Variants in SIPA1L2 observed in about 807,000 individuals in gnomAD.
The protein encoded by SIPA1L2 is signal induced proliferation associated 1 like 2, also known as signal-induced proliferation-associated 1-like protein 2.
A neutral mutation model predicts 163.9 loss-of-function variants in SIPA1L2; 56 were observed. The ratio of observed to expected loss-of-function variants is 0.34; its 90% CI spans 0.28 to 0.43. The LOEUF is 0.43. Among genes scored for constraint, SIPA1L2 ranks in the 20% least tolerant of loss-of-function variants. The probability of loss-of-function intolerance (pLI) is 1.00; values close to 1 mark genes in which losing one functional copy is unlikely to be tolerated. For missense variants in SIPA1L2, 1,974 were observed against 2,193.5 expected (o/e 0.90, Z 2.00); for synonymous variants, 877 against 865.7 (o/e 1.01, Z -0.23).
At chr1:232,445,999 T>G (rs1663196044) in intron 10 of SIPA1L2, among the ~76,000 whole-genome samples, 1 of 152,186 alleles carries the variant, frequency 6.6e-6, no homozygotes, top group Admixed American at 6.5e-5. Flanking sequence ...CAGCAATGAC[T>G]GCGTCTAGAA....
At chr1:232,513,832 G>A (rs1667091262) in intron 3 of SIPA1L2, 25 bp downstream of exon 3, 3 of 1,533,442 alleles carry the variant, frequency 2.0e-6, no homozygotes, top group Non-Finnish European at 1.7e-6. Context: ...CGAGACACAT[G>A]CAAACGCCCA....
Position 232,536,940 on chromosome 1 carries a change from G to A in SIPA1L2, c.-269-21332C>T, listed in dbSNP as rs147576813. On this transcript the variant is annotated intron_variant, in intron 2 of 22. Transcript: ENST00000674635. ...ATTCTTTTCTATACCACATCATGTC[G>A]TAATTACATTATGGGCCAAGCACGG... Among the ~76,000 whole-genome samples the A allele has an allele frequency of 5.3e-5, 8 of 152,260 alleles. No individual in the cohort carries two copies. In the East Asian group the frequency reaches 7.7e-4, roughly 15 times the overall value.
At chr1:232,451,878 T>TA (rs1346210588) in intron 10 of SIPA1L2, among the ~76,000 whole-genome samples, 1 of 150,638 alleles carries the variant, frequency 6.6e-6, no homozygotes, top group Non-Finnish European at 1.5e-5. Flanking sequence ...AGCTCCAGGT[T>TA]AAAAATAAGT....
chr1:232,541,155 T>C (rs181934489), intron 2 of SIPA1L2, among the ~76,000 whole-genome samples: 2 of 152,244 alleles, frequency 1.3e-5, no homozygotes, highest in Admixed American at 6.5e-5. Flanking sequence ...GCTTAAAACC[T>C]AGGTGATGGG....
chr1:232,466,817 A>G (rs1379875313), intron 8 of SIPA1L2, among the ~76,000 whole-genome samples: 2 of 152,064 alleles, frequency 1.3e-5, no homozygotes, highest in Admixed American at 1.3e-4. Flanking sequence ...AAACAAAAAC[A>G]AAAAAACAAA....
chr1:232,474,938 G>C (rs1329900195), intron 7 of SIPA1L2, among the ~76,000 whole-genome samples: 1 of 152,134 alleles, frequency 6.6e-6, no homozygotes, highest in Non-Finnish European at 1.5e-5. Context: ...CAGTAAGACA[G>C]AAACAAACTG....
chr1:232,601,948 A>G (rs1478434916), intron 1 of SIPA1L2, among the ~76,000 whole-genome samples: 1 of 152,212 alleles, frequency 6.6e-6, no homozygotes, highest in Non-Finnish European at 1.5e-5. Context: ...GTCACCTTAC[A>G]AGCATGTGAA....
At chr1:232,498,761 T>C (rs1431013303) in intron 3 of SIPA1L2, among the ~76,000 whole-genome samples, 2 of 152,180 alleles carry the variant, frequency 1.3e-5, no homozygotes, top group African/African-American at 2.4e-5. Context: ...CACCTGTGAT[T>C]GCATTTAGGT....
At chr1:232,442,258 A>G (rs1662947661) in intron 12 of SIPA1L2, among the ~76,000 whole-genome samples, 1 of 151,936 alleles carries the variant, frequency 6.6e-6, no homozygotes, top group Admixed American at 6.6e-5. Flanking sequence ...TTCTTAAGAA[A>G]AAAAAAAAGG....
Position 232,465,513 on chromosome 1 carries a change from T to TACACAC in SIPA1L2, c.2244-98_2244-97insGTGTGT, listed in dbSNP as rs1405352946. 1.2e-6 allele frequency: 1 copy of TACACAC among 842,022 alleles called. No individual in the cohort carries two copies. The highest frequency in any genetic ancestry group is 1.8e-5 in the African/African-American group (1 of 54,768). The allele number at this position is 842,022 out of a possible 1,614,324, so 52.2% of individuals were successfully genotyped here. On this transcript the variant is annotated intron_variant, in intron 8 of 22. Coordinates refer to ENST00000674635, the MANE Select transcript of SIPA1L2 (RefSeq NM_020808.5). The surrounding 1 kb of genome is among the most constrained non-coding windows in gnomAD (Gnocchi z 4.1). ...ATATATATACACACACACACACATA[T>TACACAC]ACATACACACACACACACACATATA...
rs568623792 is a variant in SIPA1L2 at position 232,620,073 on chromosome 1, C to T, written c.-319+9796G>A. Among the ~76,000 whole-genome samples the T allele has an allele frequency of 1.1e-4, 16 of 152,132 alleles. 1 individual carries two copies. In the South Asian group the frequency reaches 2.1e-3, roughly 20 times the overall value. ...CTAATTTTTGTATTTTTAGTAGAGA[C>T]GGGGTTTCACCATGTTGGTCAGGCT... On this transcript the variant is annotated intron_variant, in intron 1 of 22. Transcript: ENST00000674635.
chr1:232,627,310 C>T (rs1457427397), intron 1 of SIPA1L2, among the ~76,000 whole-genome samples: 1 of 152,180 alleles, frequency 6.6e-6, no homozygotes, highest in Non-Finnish European at 1.5e-5. Flanking sequence ...AGTTTCGATG[C>T]CCAAACACAG....
At chr1:232,423,179 G>T (rs149866724) in intron 18 of SIPA1L2, among the ~76,000 whole-genome samples, 35 of 152,270 alleles carry the variant, frequency 2.3e-4, no homozygotes, top group Middle Eastern at 3.4e-3. Flanking sequence ...AGAGGCTAAT[G>T]CAAGTGTGCT....
At position 232,439,061 on chromosome 1, in the gene SIPA1L2, C is replaced by A. The variant is rs1031276724; in HGVS notation, c.4031+47G>T. On this transcript the variant is annotated intron_variant, in intron 15 of 22. Transcript: ENST00000674635. ...TTCTGCCCTATCCCAGCAGGCAGGG[C>A]CCAGGTGGCACCAGCAGGTACTACT... 4.5e-6 allele frequency: 7 copies of A among 1,539,652 alleles called. No individual in the cohort carries two copies. In the African/African-American group the frequency reaches 8.1e-5, roughly 18 times the overall value.
chr1:232,618,701 A>G (rs1662637742), intron 1 of SIPA1L2, among the ~76,000 whole-genome samples: 1 of 152,096 alleles, frequency 6.6e-6, no homozygotes. Flanking sequence ...TTTAAAATAA[A>G]TCACTTCAGT....
At chr1:232,441,889 A>G (rs771174248) in intron 12 of SIPA1L2, 21 bp from the exon 13 acceptor site, 7 of 1,599,200 alleles carry the variant, frequency 4.4e-6, no homozygotes, top group African/African-American at 2.7e-5. Flanking sequence ...CACAGAGTTG[A>G]GCCTGTCCTT....
At chr1:232,416,719 T>C (rs532764199) in intron 18 of SIPA1L2, among the ~76,000 whole-genome samples, 2 of 152,340 alleles carry the variant, frequency 1.3e-5, no homozygotes, top group East Asian at 1.9e-4. Flanking sequence ...CTATTTGATA[T>C]ACAAAGCACA....
intron 5 of SIPA1L2, among the ~76,000 whole-genome samples, chr1:232,487,568 T>C (rs1665705526): frequency 1.3e-5 from 2 of 152,176 alleles, no homozygotes; most frequent in Admixed American, 1.3e-4. Flanking sequence ...AACACTTTGT[T>C]TACAGTCATC....
intron 15 of SIPA1L2, among the ~76,000 whole-genome samples, chr1:232,434,825 T>G (rs6685115): frequency 0.43 from 64,780 of 152,040 alleles, 14,952 homozygotes; most frequent in African/African-American, 0.58. Flanking sequence ...AACCATCTGA[T>G]AATTAGCTGC....
Sources: allele counts gnomAD v4.1 joint callset (sites outside exome capture counted in the v4.1 genomes callset), GRCh38; gene constraint gnomAD v4.1.1; non-coding constraint Gnocchi (gnomAD v3.1); transcripts MANE v1.5; gene names NCBI Gene and HGNC (gene_info 2026-07-23, HGNC 2026-07-21).